The following RDX variants were observed in gnomAD, a reference collection of about 807,000 sequenced individuals.
RDX encodes radixin.
A neutral mutation model predicts 83.7 loss-of-function variants in RDX; 32 were observed. The observed-to-expected ratio is 0.38, with a 90% CI of 0.29 to 0.51. The LOEUF (loss-of-function observed/expected upper bound fraction) is 0.51, where lower values mean the gene tolerates loss of function less well. Among genes scored for constraint, RDX ranks in the 20% least tolerant of loss-of-function variants. RDX has a pLI of 0.87. For missense variants in RDX, 600 were observed against 689.9 expected (o/e 0.87, Z 1.46); for synonymous variants, 229 against 222.7 (o/e 1.03, Z -0.25).
chr11:110,193,154 G>A (rs1289045169), intron 15 of RDX, among the ~76,000 whole-genome samples: 1 of 152,028 alleles, frequency 6.6e-6, no homozygotes, highest in Non-Finnish European at 1.5e-5. Flanking sequence ...AAGAAAATAT[G>A]GTACATATAC....
intron 14 of RDX, among the ~76,000 whole-genome samples, chr11:110,222,046 A>G (rs1864268500): frequency 6.6e-6 from 1 of 152,204 alleles, no homozygotes; most frequent in Non-Finnish European, 1.5e-5. Context: ...TTCATGGAAA[A>G]GGGAATAAAC....
At chr11:110,218,667 G>A (rs1864142310) in intron 14 of RDX, among the ~76,000 whole-genome samples, 1 of 152,120 alleles carries the variant, frequency 6.6e-6, no homozygotes, top group Non-Finnish European at 1.5e-5. Context: ...CAATACAAAT[G>A]GGCAGTCCCA....
intron 15 of RDX, chr11:110,179,783 T>C (rs1009982611): frequency 8.3e-5 from 28 of 336,008 alleles, no homozygotes; most frequent in South Asian, 4.5e-4. Context: ...AAAACAATTA[T>C]AATAATAAAA....
At chr11:110,275,041 C>G (rs1019061304) in intron 2 of RDX, among the ~76,000 whole-genome samples, 1 of 152,164 alleles carries the variant, frequency 6.6e-6, no homozygotes, top group Non-Finnish European at 1.5e-5. Flanking sequence ...AGAATTCTTG[C>G]TTTTCTGTAT....
At chr11:110,227,555 TA>T (rs1864474233), downstream of RDX, among the ~76,000 whole-genome samples, 2 of 152,072 alleles carry the variant, frequency 1.3e-5, no homozygotes, top group South Asian at 4.1e-4. Flanking sequence ...GGCATACAAA[TA>T]ACAGGAATCA....
intron 1 of RDX, among the ~76,000 whole-genome samples, chr11:110,289,339 G>A (rs973368276): frequency 2.7e-5 from 4 of 150,182 alleles, no homozygotes; most frequent in African/African-American, 9.8e-5. Flanking sequence ...CAATTAAGTT[G>A]ACAATCAAAT....
intron 10 of RDX, among the ~76,000 whole-genome samples, chr11:110,242,094 G>C (rs187084202): frequency 5.0e-4 from 76 of 152,264 alleles, no homozygotes; most frequent in African/African-American, 1.7e-3. Context: ...TATGTAGCTG[G>C]ATAGTGGTGA....
chr11:110,288,707 A>G (rs1861088097), intron 1 of RDX, among the ~76,000 whole-genome samples: 1 of 152,132 alleles, frequency 6.6e-6, no homozygotes, highest in South Asian at 2.1e-4. Flanking sequence ...TAAGCTTCTA[A>G]TTTTCTAGAT....
chr11:110,254,239 A>G, intron 8 of RDX, 130 bp from the exon 9 acceptor site: 2 of 766,080 alleles, frequency 2.6e-6, no homozygotes, highest in Non-Finnish European at 4.2e-6. Context: ...ATAAGAAATC[A>G]TACAATTTCA....
intron 3 of RDX, among the ~76,000 whole-genome samples, chr11:110,265,098 T>G (rs569250763): frequency 1.1e-5 from 1 of 90,278 alleles, no homozygotes; most frequent in South Asian, 3.9e-4. Context: ...TGAAAAGAAG[T>G]TTTTTTTTTT....
chr11:110,179,637 G>A (rs1862841485), intron 15 of RDX, among the ~76,000 whole-genome samples: 2 of 152,116 alleles, frequency 1.3e-5, no homozygotes, highest in South Asian at 2.1e-4. Context: ...GCCAGGCGTG[G>A]TGGTGGGTGC....
intron 10 of RDX, among the ~76,000 whole-genome samples, chr11:110,245,910 G>C (rs902349751): frequency 2.6e-5 from 4 of 152,106 alleles, no homozygotes; most frequent in Admixed American, 6.5e-5. Flanking sequence ...TATTTGCTGG[G>C]ACAGTAACTG....
At chr11:110,179,885 TTTTTC>T (rs1289860198) in intron 15 of RDX, 34 of 428,860 alleles carry the variant, frequency 7.9e-5, no homozygotes, top group South Asian at 4.3e-4. Flanking sequence ...GTTCTTTTTC[TTTTTC>T]TTTTTCTTTT....
intron 1 of RDX, among the ~76,000 whole-genome samples, chr11:110,295,263 T>A (rs1861398713): frequency 6.6e-6 from 1 of 151,386 alleles, no homozygotes; most frequent in South Asian, 2.1e-4. Flanking sequence ...GGGGTAATTG[T>A]TCCTTCTTAG....
At chr11:110,275,557 A>G (rs187355558) in intron 2 of RDX, among the ~76,000 whole-genome samples, 1 of 152,322 alleles carries the variant, frequency 6.6e-6, no homozygotes, top group East Asian at 1.9e-4. Context: ...ATGTTCACGC[A>G]TACGGCTTAT....
intron 15 of RDX, among the ~76,000 whole-genome samples, chr11:110,177,909 C>T (rs924890674): frequency 6.6e-6 from 1 of 152,098 alleles, no homozygotes; most frequent in Non-Finnish European, 1.5e-5. Flanking sequence ...CTTTGACATT[C>T]CCTGTGCCCT....
At chr11:110,246,399 C>T (rs1318860417) in intron 10 of RDX, among the ~76,000 whole-genome samples, 5 of 152,222 alleles carry the variant, frequency 3.3e-5, no homozygotes, top group African/African-American at 1.2e-4. Context: ...TTAAATAAGA[C>T]TGAGTATCCC....
At chr11:110,202,906 G>A (rs1863466669) in intron 14 of RDX, among the ~76,000 whole-genome samples, 1 of 152,100 alleles carries the variant, frequency 6.6e-6, no homozygotes, top group Non-Finnish European at 1.5e-5. Context: ...AGGATGTGAA[G>A]AAAAGGGAAC....
At chr11:110,263,040 C>T (rs888857194) in intron 5 of RDX, among the ~76,000 whole-genome samples, 6 of 151,804 alleles carry the variant, frequency 4.0e-5, no homozygotes, top group African/African-American at 9.7e-5. Context: ...TTTGGGAGAC[C>T]GAGGTGGGAG....
Sources: gnomAD v4.1 joint callset for allele counts (sites outside exome capture counted in the v4.1 genomes callset) on GRCh38, gnomAD v4.1.1 for gene constraint, MANE v1.5 for transcripts, NCBI Gene and HGNC (gene_info 2026-07-23, HGNC 2026-07-21) for gene names.